The following MAP2K6 variants were observed in gnomAD, a reference collection of about 807,000 sequenced individuals.
MAP2K6 encodes mitogen-activated protein kinase kinase 6, also known as dual specificity mitogen-activated protein kinase kinase 6.
In MAP2K6, 16 loss-of-function variants were observed where a neutral mutation model predicts 53.7. That is an observed-to-expected ratio of 0.30 (90% CI 0.20 to 0.45). The LOEUF (loss-of-function observed/expected upper bound fraction) is 0.45, where lower values mean the gene tolerates loss of function less well. Among genes scored for constraint, MAP2K6 ranks in the 20% least tolerant of loss-of-function variants. MAP2K6 has a pLI of 1.00. For synonymous variants in MAP2K6, 132 were observed against 143.1 expected, an observed-to-expected ratio of 0.92 and a Z score of 0.55; for missense variants, 204 against 411.9, an observed-to-expected ratio of 0.50 and a Z score of 4.37.
rs1331933573 is a variant in MAP2K6, at chr17:69,541,883, C to T, written c.*130C>T. 1.5e-6 allele frequency: 1 copy of T among 647,462 alleles called. No individual in the cohort carries two copies. The highest frequency in any genetic ancestry group is 2.7e-6 in the Non-Finnish European group (1 of 377,086). The allele number at this position is 647,462 out of a possible 1,614,324, so 40.1% of individuals were successfully genotyped here. ...CCCTGCCTCTCAGAGGGTTTTCTCT[C>T]CCAATTTTCTTTTTACTCCCCCTCT... On this transcript the variant is annotated 3_prime_UTR_variant, in exon 12 of 12. Transcript: ENST00000590474.
In MAP2K6 at chr17:69,521,090, C is replaced by A. The variant is rs1910441199; in HGVS notation, c.525C>A (p.Val175=). 6.2e-7 allele frequency: 1 copy of A among 1,609,984 alleles called. No homozygotes were observed. The highest frequency in any genetic ancestry group is 8.5e-7 in the Non-Finnish European group (1 of 1,178,054). Residue 175 remains valine (V), a synonymous_variant, in exon 7 of 12, where the codon GTC becomes GTA. Transcript: ENST00000590474. Reference sequence around the variant, plus strand: ...AACATTTACATAGTAAGCTGTCTGTCATTCACAGAGGTAAGCATCCATGAG... The same window carrying A: ...AACATTTACATAGTAAGCTGTCTGTAATTCACAGAGGTAAGCATCCATGAG... ...ALEHLHSKLS[V]IHRDVKPSNV...
rs1407638853 is a variant in MAP2K6, at chr17:69,539,219, G to A, written c.928-2457G>A. On this transcript the variant is annotated intron_variant, in intron 11 of 11. Coordinates refer to ENST00000590474, the MANE Select transcript of MAP2K6 (RefSeq NM_002758.4). ...TGTGCATGGGACAGGGAGACCTGCT[G>A]GTGACTGTAGCTTGTCTGTCTATTC... Among the ~76,000 whole-genome samples, 12 of 152,326 alleles carry A rather than the reference G, an allele frequency of 7.9e-5. No individual in the cohort carries two copies. The East Asian group carries it at 2.1e-3, about 27-fold the overall frequency.
intron 11 of MAP2K6, among the ~76,000 whole-genome samples, chr17:69,537,354 A>G (rs932371439): frequency 1.3e-5 from 2 of 152,218 alleles, no homozygotes; most frequent in African/African-American, 2.4e-5. Context: ...ACGTTCATGC[A>G]CAATTTCAAA....
intron 1 of MAP2K6, among the ~76,000 whole-genome samples, chr17:69,420,913 A>C (rs1906058376): frequency 6.6e-6 from 1 of 152,166 alleles, no homozygotes; most frequent in Admixed American, 6.5e-5. Context: ...TTCTCTGCCA[A>C]AGGATATTTT....
chr17:69,476,996 C>G (rs1006653364), intron 1 of MAP2K6: 2 of 152,256 alleles, frequency 1.3e-5, no homozygotes, highest in African/African-American at 4.8e-5. Context: ...ATGCATTCAA[C>G]CAGCCACCAC....
In MAP2K6 at chr17:69,549,393, T is replaced by G. The variant is rs75653171; in HGVS notation, c.*7640T>G. Reference sequence around the variant, plus strand: ...AATGTGGGAAACAGAACTTTCTAAGTAATCTCTGGAGTTTGTAGCTTAGAC... The same window carrying G: ...AATGTGGGAAACAGAACTTTCTAAGGAATCTCTGGAGTTTGTAGCTTAGAC... On this transcript the variant is annotated 3_prime_UTR_variant, in exon 12 of 12. Transcript: ENST00000590474. The G allele has an allele frequency of 3.3e-5, 5 of 152,192 alleles. No homozygotes were observed. Among genetic ancestry groups the G allele is most frequent in the African/African-American group, 7.2e-5 (3 of 41,442 alleles). 9.4% of individuals were successfully genotyped at this position (152,192 alleles called of 1,614,324 possible).
chr17:69,433,034 G>A (rs1279139034), intron 1 of MAP2K6: 2 of 152,208 alleles, frequency 1.3e-5, no homozygotes, highest in Non-Finnish European at 2.9e-5. Flanking sequence ...AAGGCACATT[G>A]ATGCTCTCTA....
Position 69,541,773 on chromosome 17 carries a change from G to A in MAP2K6, c.*20G>A. The A allele has an allele frequency of 6.3e-7, 1 of 1,599,262 alleles. No individual in the cohort carries two copies. The highest frequency in any genetic ancestry group is 1.7e-5 in the Admixed American group (1 of 59,836). On this transcript the variant is annotated 3_prime_UTR_variant, in exon 12 of 12. Transcript: ENST00000590474. ...GACTAAAAAGCAGTGGACTTAATCG[G>A]TTGACCCTACTGTGGATTGGTGGGT...
rs181886775 is a variant in MAP2K6 at position 69,494,479 on chromosome 17, C to T, written c.17-11301C>T. 6.7e-6 allele frequency among the ~76,000 whole-genome samples: 1 copy of T among 149,680 alleles called. No individual in the cohort carries two copies. The highest frequency in any genetic ancestry group is 2.5e-5 in the African/African-American group (1 of 40,446). On this transcript the variant is annotated intron_variant, in intron 1 of 11. Transcript: ENST00000590474. The surrounding 1 kb of genome is among the most constrained non-coding windows in gnomAD (Gnocchi z 4.2). Reference sequence around the variant, plus strand: ...TGCCACTGCACTCCAGCCTGGGTGACAAAGTGAGACTCTGTCTTTAAAAAA... The same window carrying T: ...TGCCACTGCACTCCAGCCTGGGTGATAAAGTGAGACTCTGTCTTTAAAAAA...
At chr17:69,470,459 G>T (rs1054389920) in intron 1 of MAP2K6, among the ~76,000 whole-genome samples, 16 of 152,284 alleles carry the variant, frequency 1.1e-4, no homozygotes, top group South Asian at 2.1e-4. Context: ...AACCCTGCAA[G>T]GAAGCACTGG....
intron 1 of MAP2K6, among the ~76,000 whole-genome samples, chr17:69,496,096 C>G (rs1207975158): frequency 1.3e-5 from 2 of 150,438 alleles, no homozygotes; most frequent in East Asian, 3.9e-4. Flanking sequence ...TTTTTTTTAG[C>G]TTTAATCACA....
At chr17:69,452,994 G>A (rs1907278280) in intron 1 of MAP2K6, among the ~76,000 whole-genome samples, 1 of 152,178 alleles carries the variant, frequency 6.6e-6, no homozygotes, top group African/African-American at 2.4e-5. Context: ...CCTCAACCAG[G>A]TGCTCTGTGA....
chr17:69,525,634 G>T (rs953610078), intron 9 of MAP2K6, among the ~76,000 whole-genome samples: 1 of 152,212 alleles, frequency 6.6e-6, no homozygotes, highest in African/African-American at 2.4e-5. Flanking sequence ...AGACAGCCAA[G>T]TGAAAAGGGA....
At chr17:69,468,939 C>CT (rs1480394410) in intron 1 of MAP2K6, among the ~76,000 whole-genome samples, 12 of 152,184 alleles carry the variant, frequency 7.9e-5, no homozygotes, top group Non-Finnish European at 1.5e-4. Flanking sequence ...GAACTGAACA[C>CT]TAGAAGAGAG....
chr17:69,495,666 T>C (rs1033867945), intron 1 of MAP2K6, among the ~76,000 whole-genome samples: 19 of 151,046 alleles, frequency 1.3e-4, no homozygotes, highest in Non-Finnish European at 2.1e-4. Flanking sequence ...CCACTCTGCC[T>C]TTTTTTTTGA....
intron 10 of MAP2K6, among the ~76,000 whole-genome samples, chr17:69,527,007 T>C (rs554268884): frequency 8.5e-5 from 13 of 152,226 alleles, no homozygotes; most frequent in African/African-American, 3.1e-4. Context: ...AGGATAGGCT[T>C]TTCTGGAGGA....
intron 2 of MAP2K6, among the ~76,000 whole-genome samples, chr17:69,510,418 T>G (rs573947832): frequency 1.5e-4 from 23 of 152,230 alleles, no homozygotes; most frequent in Non-Finnish European, 2.8e-4. Context: ...GTGGTTTATT[T>G]ATTATTTCTC....
intron 1 of MAP2K6, among the ~76,000 whole-genome samples, chr17:69,463,193 G>A (rs953721825): frequency 1.3e-5 from 2 of 150,872 alleles, no homozygotes; most frequent in Non-Finnish European, 2.9e-5. Flanking sequence ...AAAATGATTC[G>A]GCTTTTGTTA....
rs181070612 is a variant in MAP2K6 at position 69,536,186 on chromosome 17, T to C, written c.927+26T>C. On this transcript the variant is annotated intron_variant, in intron 11 of 11. Coordinates refer to ENST00000590474, the MANE Select transcript of MAP2K6 (RefSeq NM_002758.4). ...GTGAGTATTGTTAGCAACGTAAACA[T>C]GACTATACTGATAGCTACAAAAGGC... 65 of 1,580,500 alleles carry C rather than the reference T, an allele frequency of 4.1e-5. No individual in the cohort carries two copies. The African/African-American group carries it at 8.3e-4, about 20-fold the overall frequency.
Sources: gnomAD v4.1 joint callset for allele counts (sites outside exome capture counted in the v4.1 genomes callset) on GRCh38, gnomAD v4.1.1 for gene constraint, Gnocchi (gnomAD v3.1) non-coding constraint, MANE v1.5 for transcripts, NCBI Gene and HGNC (gene_info 2026-07-23, HGNC 2026-07-21) for gene names.